Variants in ELN observed in about 807,000 individuals in gnomAD.
ELN encodes elastin.
ELN carries 65 observed loss-of-function variants against 105.8 expected under a neutral mutation model. The observed-to-expected ratio is 0.61, with a 90% confidence interval of 0.50 to 0.75. ELN has a LOEUF of 0.75. Ranked by LOEUF, ELN falls within the 30% of genes least tolerant of loss-of-function variation. ELN has a pLI of 0.00. For missense variants in ELN, 882 were observed against 969.4 expected (o/e 0.91, Z 1.20); for synonymous variants, 368 against 389.2 (o/e 0.95, Z 0.64).
At chr7:74,058,469 T>C (rs1795875854) in intron 22 of ELN, among the ~76,000 whole-genome samples, 1 of 152,046 alleles carries the variant, frequency 6.6e-6, no homozygotes, top group Non-Finnish European at 1.5e-5. Context: ...GTCTGCCTGC[T>C]TCCGCCCCCC....
intron 1 of ELN, among the ~76,000 whole-genome samples, chr7:74,031,722 G>C (rs1554662290): frequency 6.6e-6 from 1 of 151,712 alleles, no homozygotes; most frequent in Non-Finnish European, 1.5e-5. Context: ...TTTGAGACCA[G>C]CCTGGGCAAC....
chr7:74,028,330 T>G (rs1584436438), intron 1 of ELN, 61 bp downstream of exon 1: 1 of 1,549,618 alleles, frequency 6.5e-7, no homozygotes, highest in South Asian at 1.2e-5. Context: ...TTGGGCCAGG[T>G]GACTAGACGC....
chr7:74,055,011 G>A (rs1237436483), intron 19 of ELN, among the ~76,000 whole-genome samples: 1 of 152,278 alleles, frequency 6.6e-6, no homozygotes, highest in Non-Finnish European at 1.5e-5. Flanking sequence ...GAGCTTCCCT[G>A]CTCTGGCCAA....
chr7:74,057,399 G>C (rs1554680844), intron 21 of ELN: 28 of 1,509,128 alleles, frequency 1.9e-5, no homozygotes, highest in Non-Finnish European at 2.5e-5. Flanking sequence ...AGGAGCAGGA[G>C]TGCTGGGTGG....
chr7:74,047,998 T>G, intron 13 of ELN, 144 bp from the exon 14 acceptor site: 1 of 1,007,448 alleles, frequency 9.9e-7, no homozygotes, highest in Non-Finnish European at 1.6e-6. Flanking sequence ...ACTCCATACA[T>G]GTGTTTGTAT....
At chr7:74,040,285 C>T (rs1365895225) in intron 4 of ELN, among the ~76,000 whole-genome samples, 2 of 152,232 alleles carry the variant, frequency 1.3e-5, no homozygotes, top group African/African-American at 4.8e-5. Context: ...GAAGCGACTG[C>T]CAGCGCAGGT....
chr7:74,040,477 A>C (rs967608940), intron 4 of ELN, among the ~76,000 whole-genome samples: 1 of 152,044 alleles, frequency 6.6e-6, no homozygotes, highest in Admixed American at 6.5e-5. Flanking sequence ...GCCAGGGGGG[A>C]CCTCTCCAGG....
chr7:74,061,033 G>A, intron 25 of ELN, 68 bp from the exon 26 acceptor site: 2 of 1,593,862 alleles, frequency 1.3e-6, no homozygotes, highest in Non-Finnish European at 1.7e-6. Flanking sequence ...GCTCTCTAGA[G>A]GAGGCGGCAG....
In ELN at chr7:74,063,356, A is replaced by G. The variant is rs1797133785; in HGVS notation, c.1905A>G (p.Lys635=). ...CTGCCGCAGCCAAAGCTGCTGCCAAAGCCGCCCAGTTTGGTGAGCACTGGG... is the reference window on the plus strand; with the variant it reads ...CTGCCGCAGCCAAAGCTGCTGCCAAGGCCGCCCAGTTTGGTGAGCACTGGG... The part of the protein sequence containing the change: ...AAAAAAKAAA[K]AAQFGLVGAA... The change falls in exon 28 of 33, where the codon AAA becomes AAG. Residue 635 remains lysine, a synonymous_variant. Transcript: ENST00000252034. The surrounding 1 kb of genome is among the most constrained non-coding windows in gnomAD (Gnocchi z 4.1). 2 of 1,547,674 alleles carry G rather than the reference A, an allele frequency of 1.3e-6. No homozygotes were observed. Among genetic ancestry groups the G allele is most frequent in the South Asian group, 2.4e-5 (2 of 84,206 alleles).
At chr7:74,031,696 T>C (rs956930539) in intron 1 of ELN, among the ~76,000 whole-genome samples, 6 of 151,892 alleles carry the variant, frequency 4.0e-5, no homozygotes, top group Admixed American at 3.9e-4. Context: ...ATGGGCAGAT[T>C]GCTTGAGCCC....
Position 74,066,784 on chromosome 7 carries a change from A to T in ELN, c.2131+8A>T. 1 of 1,613,048 alleles carries T rather than the reference A, an allele frequency of 6.2e-7. No individual in the cohort carries two copies. The highest frequency in any genetic ancestry group is 8.5e-7 in the Non-Finnish European group (1 of 1,179,344). On this transcript the variant is annotated splice_region_variant and intron_variant, in intron 32 of 32. Coordinates refer to ENST00000252034, the MANE Select transcript of ELN (RefSeq NM_000501.4). ...TGTCTCCCATTTTCCCAGGTATGCC[A>T]GGCTCCCTGCCCCTGGGCCCTGCCC... is the stretch of plus-strand genomic sequence containing the variant.
At chr7:74,061,957 C>T (rs1369042490) in intron 26 of ELN, among the ~76,000 whole-genome samples, 1 of 152,210 alleles carries the variant, frequency 6.6e-6, no homozygotes, top group Non-Finnish European at 1.5e-5. Flanking sequence ...TGGTATTCCT[C>T]ATCTGGGCAC....
In ELN at chr7:74,063,226, T is replaced by C. The variant is rs1554686159; in HGVS notation, c.1858+2T>C. 1 of 1,605,712 alleles carries C rather than the reference T, an allele frequency of 6.2e-7. No homozygotes were observed. The highest frequency in any genetic ancestry group is 8.5e-7 in the Non-Finnish European group (1 of 1,177,566). The stretch of plus-strand genomic sequence containing the variant: ...TAGGCATCCCAGGCGGTGTGGTGGG[T>C]GAGTTGAAACCCCAGGAGGGGCAGG... On this transcript the variant is annotated splice_donor_variant, in intron 27 of 32. Coordinates refer to ENST00000252034, the MANE Select transcript of ELN (RefSeq NM_000501.4). LOFTEE classifies it high-confidence loss of function. The surrounding 1 kb of genome is among the most constrained non-coding windows in gnomAD (Gnocchi z 4.1).
intron 1 of ELN, among the ~76,000 whole-genome samples, chr7:74,030,459 T>A (rs1788411836): frequency 1.7e-5 from 2 of 117,768 alleles, no homozygotes; most frequent in Non-Finnish European, 3.3e-5. Context: ...AGAAATAGTA[T>A]CAGGGATTTT....
At chr7:74,040,529 C>G (rs1790966451) in intron 4 of ELN, among the ~76,000 whole-genome samples, 1 of 152,214 alleles carries the variant, frequency 6.6e-6, no homozygotes, top group Non-Finnish European at 1.5e-5. Flanking sequence ...CTGGAGAGGA[C>G]TCACCCCTGA....
intron 15 of ELN, 107 bp downstream of exon 15, chr7:74,048,663 T>C: frequency 7.3e-7 from 1 of 1,368,138 alleles, no homozygotes. Flanking sequence ...TACCCCCATT[T>C]ACTCAAAATT....
At chr7:74,058,285 G>T (rs200157974) in intron 22 of ELN, among the ~76,000 whole-genome samples, 7 of 149,616 alleles carry the variant, frequency 4.7e-5, no homozygotes, top group African/African-American at 7.4e-5. Flanking sequence ...TTCTTCCTCT[G>T]CTTCTTTCTC....
Position 74,069,835 on chromosome 7 carries a change from C to A in ELN, c.*1135C>A, listed in dbSNP as rs1798683915. 1 of 206,578 alleles carries A rather than the reference C, an allele frequency of 4.8e-6. No homozygotes were observed. 12.8% of individuals were successfully genotyped at this position (206,578 alleles called of 1,614,324 possible). ...CTAATATAACTCTGGATGAAACACA[C>A]CTTTTTTTTTAATAAGAAAAGAGAA... On this transcript the variant is annotated 3_prime_UTR_variant, in exon 33 of 33. Transcript: ENST00000252034.
At position 74,047,689 on chromosome 7, in the gene ELN, C is replaced by A; in HGVS notation, c.658C>A (p.Pro220Thr). Residue 220 changes from proline to threonine, a missense_variant, in exon 13 of 33, where the codon CCC (proline) becomes ACC (threonine). By Grantham distance (38) the Pro-to-Thr change is conservative. Coordinates refer to ENST00000252034, the MANE Select transcript of ELN (RefSeq NM_000501.4). ...CCTCTCTCCAGGTGGCTATGGACTG[C>A]CCTACACCACAGGGAAACTGCCCTA... is the stretch of plus-strand genomic sequence containing the variant. ...APKLPGGYGL[P>T]YTTGKLPYGY... 1 of 1,614,180 alleles carries A rather than the reference C, an allele frequency of 6.2e-7. No individual in the cohort carries two copies. The highest frequency in any genetic ancestry group is 1.1e-5 in the South Asian group (1 of 91,088).
Sources: allele counts gnomAD v4.1 joint callset (sites outside exome capture counted in the v4.1 genomes callset), GRCh38; gene constraint gnomAD v4.1.1; non-coding constraint Gnocchi (gnomAD v3.1); transcripts MANE v1.5; gene names NCBI Gene and HGNC (gene_info 2026-07-23, HGNC 2026-07-21).